Variants in LYPLAL1 observed in about 807,000 individuals in gnomAD.
LYPLAL1 encodes lysophospholipase-like protein 1.
Under a neutral mutation model 19.7 loss-of-function variants are expected in LYPLAL1, and 23 were observed. That is an observed-to-expected ratio of 1.17 (90% CI 0.84 to 1.65). The LOEUF (loss-of-function observed/expected upper bound fraction) is 1.65. LYPLAL1 is among the 40% of genes most tolerant of loss of function. The probability of loss-of-function intolerance (pLI) is 0.00; values close to 1 mark genes in which losing one functional copy is unlikely to be tolerated. For synonymous variants in LYPLAL1, 119 were observed against 96.3 expected (o/e 1.24, Z -1.38); for missense variants, 355 against 279.4 (o/e 1.27, Z -1.93).
the LYPLAL1 span, among the ~76,000 whole-genome samples, chr1:219,366,893 T>C: frequency 1.2e-3 from 178 of 152,194 alleles, 2 homozygotes; most frequent in Admixed American, 3.1e-3. Context: ...TGTGAATGTC[T>C]TTACTTCCAG....
At chr1:219,420,746 G>A in the LYPLAL1 span, among the ~76,000 whole-genome samples, 6 of 152,058 alleles carry the variant, frequency 3.9e-5, no homozygotes, top group African/African-American at 1.4e-4. Context: ...GAGAAACAAA[G>A]GCATAATAAT....
At chr1:219,286,060 G>A in the LYPLAL1 span, among the ~76,000 whole-genome samples, 227 of 152,192 alleles carry the variant, frequency 1.5e-3, no homozygotes, top group Non-Finnish European at 2.8e-3. Flanking sequence ...AGGGCTGCAG[G>A]TCCCACAGGC....
chr1:219,414,461 C>T, the LYPLAL1 span, among the ~76,000 whole-genome samples: 6 of 152,114 alleles, frequency 3.9e-5, no homozygotes, highest in Non-Finnish European at 8.8e-5. Context: ...CTGCCATTTC[C>T]TAGTTGTTAT....
chr1:219,207,634 T>C (rs1030996150), intron 3 of LYPLAL1, among the ~76,000 whole-genome samples: 2 of 152,024 alleles, frequency 1.3e-5, no homozygotes, highest in Non-Finnish European at 2.9e-5. Context: ...GAGGGATACA[T>C]TGATGAATAA....
the LYPLAL1 span, among the ~76,000 whole-genome samples, chr1:219,411,256 A>C: frequency 1.3e-5 from 2 of 149,214 alleles, no homozygotes; most frequent in Non-Finnish European, 3.0e-5. Flanking sequence ...GGACGTGGAG[A>C]GTCTTTATGT....
the LYPLAL1 span, among the ~76,000 whole-genome samples, chr1:219,332,558 C>T: frequency 1.3e-5 from 2 of 152,176 alleles, no homozygotes; most frequent in South Asian, 2.1e-4. Context: ...AACAACTTCT[C>T]ATTGGAATTT....
At chr1:219,335,523 A>G in the LYPLAL1 span, among the ~76,000 whole-genome samples, 1 of 151,966 alleles carries the variant, frequency 6.6e-6, no homozygotes, top group East Asian at 1.9e-4. Context: ...ATATGTAATT[A>G]GAAACAGTAA....
At chr1:219,246,801 G>T in the LYPLAL1 span, among the ~76,000 whole-genome samples, 2 of 152,182 alleles carry the variant, frequency 1.3e-5, no homozygotes, top group Non-Finnish European at 2.9e-5. Context: ...GCCCAGGCTG[G>T]TCTCAAATTC....
chr1:219,312,417 C>T, the LYPLAL1 span, among the ~76,000 whole-genome samples: 1 of 152,132 alleles, frequency 6.6e-6, no homozygotes, highest in African/African-American at 2.4e-5. Flanking sequence ...AACCAAAACA[C>T]ACATATCACA....
the LYPLAL1 span, among the ~76,000 whole-genome samples, chr1:219,404,133 C>T: frequency 6.6e-6 from 1 of 151,890 alleles, no homozygotes; most frequent in South Asian, 2.1e-4. Context: ...AGAGAAATAC[C>T]TCGTGTCTCT....
At chr1:219,439,401 C>T in the LYPLAL1 span, among the ~76,000 whole-genome samples, 1 of 152,120 alleles carries the variant, frequency 6.6e-6, no homozygotes, top group African/African-American at 2.4e-5. Context: ...TGAATCACTC[C>T]AGTTCAAATC....
At chr1:219,436,362 G>C in the LYPLAL1 span, among the ~76,000 whole-genome samples, 2 of 152,140 alleles carry the variant, frequency 1.3e-5, no homozygotes, top group Non-Finnish European at 1.5e-5. Context: ...TGTTGGTATA[G>C]AAATAAATAT....
At chr1:219,177,477 G>A (rs1218975185) in intron 1 of LYPLAL1, among the ~76,000 whole-genome samples, 1 of 151,786 alleles carries the variant, frequency 6.6e-6, no homozygotes, top group Non-Finnish European at 1.5e-5. Flanking sequence ...ATCAACCCAT[G>A]GTATAAGACC....
chr1:219,350,413 T>A, the LYPLAL1 span, among the ~76,000 whole-genome samples: 1,602 of 152,336 alleles, frequency 0.011, 26 homozygotes, highest in African/African-American at 0.037. Flanking sequence ...AGGGCACATT[T>A]GGAAATAATC....
At chr1:219,348,435 G>T in the LYPLAL1 span, among the ~76,000 whole-genome samples, 1 of 152,198 alleles carries the variant, frequency 6.6e-6, no homozygotes, top group African/African-American at 2.4e-5. Context: ...GGCCTCTGCA[G>T]GTCATTCTGT....
the LYPLAL1 span, among the ~76,000 whole-genome samples, chr1:219,414,764 C>T: frequency 6.6e-6 from 1 of 152,190 alleles, no homozygotes; most frequent in Non-Finnish European, 1.5e-5. Flanking sequence ...TCAAAAGTCA[C>T]TACAGTCCTT....
At chr1:219,360,135 G>A in the LYPLAL1 span, among the ~76,000 whole-genome samples, 1 of 152,172 alleles carries the variant, frequency 6.6e-6, no homozygotes, top group South Asian at 2.1e-4. Flanking sequence ...ATGCAGAATG[G>A]ACTGTAGCCA....
the LYPLAL1 span, among the ~76,000 whole-genome samples, chr1:219,333,869 A>G: frequency 0.029 from 4,476 of 152,154 alleles, 84 homozygotes; most frequent in South Asian, 0.058. Flanking sequence ...TCCAGGAGAC[A>G]GCTGCCAACT....
chr1:219,292,969 T>C, the LYPLAL1 span, among the ~76,000 whole-genome samples: 3 of 152,204 alleles, frequency 2.0e-5, no homozygotes, highest in Non-Finnish European at 4.4e-5. Flanking sequence ...GTTAATATAC[T>C]AGTGGATTCA....
Sources: allele counts gnomAD v4.1 joint callset (sites outside exome capture counted in the v4.1 genomes callset), GRCh38; gene constraint gnomAD v4.1.1; transcripts MANE v1.5; gene names NCBI Gene and HGNC (gene_info 2026-07-23, HGNC 2026-07-21).